The following WAPL variants were observed in gnomAD, a reference collection of about 807,000 sequenced individuals.
WAPL encodes the protein WAPL cohesin release factor.
Under a neutral mutation model 121.0 loss-of-function variants are expected in WAPL, and 5 were observed. That is an observed-to-expected ratio of 0.04 (90% CI 0.02 to 0.09). The LOEUF (loss-of-function observed/expected upper bound fraction) is 0.09. Ranked by LOEUF, WAPL falls within the 10% of genes least tolerant of loss-of-function variation. The pLI, the probability that WAPL is intolerant of heterozygous loss-of-function variation, is 1.00. For missense variants in WAPL, 999 were observed against 1,410.8 expected, an observed-to-expected ratio of 0.71 and a Z score of 4.68; for synonymous variants, 480 against 481.5, an observed-to-expected ratio of 1.00 and a Z score of 0.04.
At chr10:86,513,749 A>G (rs1185533117) in intron 2 of WAPL, among the ~76,000 whole-genome samples, 1 of 152,244 alleles carries the variant, frequency 6.6e-6, no homozygotes, top group African/African-American at 2.4e-5. Context: ...TGACATAATA[A>G]TTCTGAGCCT....
rs146333813 is a variant in WAPL, at chr10:86,440,407, C to T, written c.3412-2392G>A. On this transcript the variant is annotated intron_variant, in intron 17 of 18. Transcript: ENST00000298767. ...AGTTCACGCCATTCTGCTGCCTCAG[C>T]CTCCCGAGTAGCTGGGACTACAGGT... 4.8e-3 allele frequency among the ~76,000 whole-genome samples: 724 copies of T among 152,120 alleles called. 9 individuals are homozygous for T. The highest frequency in any genetic ancestry group is 0.017 in the African/African-American group (686 of 41,498).
At chr10:86,459,914 G>C (rs1305146231) in intron 11 of WAPL, among the ~76,000 whole-genome samples, 1 of 152,182 alleles carries the variant, frequency 6.6e-6, no homozygotes, top group African/African-American at 2.4e-5. Context: ...AGGAGTTTGA[G>C]ACCAGCCTGG....
At position 86,475,812 on chromosome 10, in the gene WAPL, G is replaced by C. The variant is rs376732992; in HGVS notation, c.1645-1839C>G. 2.2e-4 allele frequency among the ~76,000 whole-genome samples: 33 copies of C among 152,300 alleles called. 1 individual carries two copies. The South Asian group carries it at 5.6e-3, about 26-fold the overall frequency. Reference sequence around the variant, plus strand: ...CTTTAGTACCTCAAGCATACTCAGAGCCCAGGCTCTGGTAACAACAGCCTT... The same window carrying C: ...CTTTAGTACCTCAAGCATACTCAGACCCCAGGCTCTGGTAACAACAGCCTT... On this transcript the variant is annotated intron_variant, in intron 4 of 18. Coordinates refer to ENST00000298767, the MANE Select transcript of WAPL (RefSeq NM_015045.5).
chr10:86,471,769 G>A (rs1234681954), intron 7 of WAPL, among the ~76,000 whole-genome samples: 3 of 151,958 alleles, frequency 2.0e-5, no homozygotes, highest in Non-Finnish European at 4.4e-5. Flanking sequence ...CCAAGTAGCT[G>A]GAACTACAGG....
intron 2 of WAPL, among the ~76,000 whole-genome samples, chr10:86,502,584 G>A (rs1215223352): frequency 6.6e-6 from 1 of 152,150 alleles, no homozygotes; most frequent in Non-Finnish European, 1.5e-5. Flanking sequence ...GATACAAATA[G>A]ACATTATTTT....
At chr10:86,441,446 T>C (rs983491599) in intron 17 of WAPL, among the ~76,000 whole-genome samples, 1 of 152,032 alleles carries the variant, frequency 6.6e-6, no homozygotes, top group Non-Finnish European at 1.5e-5. Flanking sequence ...GACAAAAGCA[T>C]TGTGACCCAA....
chr10:86,485,523 C>T (rs553361080), intron 4 of WAPL, among the ~76,000 whole-genome samples: 1 of 151,656 alleles, frequency 6.6e-6, no homozygotes, highest in African/African-American at 2.4e-5. Flanking sequence ...GGCAACAGAG[C>T]GAGACTCCAT....
intron 2 of WAPL, among the ~76,000 whole-genome samples, chr10:86,503,335 C>T (rs1222542743): frequency 6.6e-6 from 1 of 152,078 alleles, no homozygotes; most frequent in African/African-American, 2.4e-5. Flanking sequence ...TACAAAGTGG[C>T]TTGGAGACCA....
At position 86,490,404 on chromosome 10, in the gene WAPL, G is replaced by A. The variant is rs146991379; in HGVS notation, c.1644+6797C>T. Among the ~76,000 whole-genome samples, 586 of 152,104 alleles carry A rather than the reference G, an allele frequency of 3.9e-3. 4 individuals are homozygous for A. Among genetic ancestry groups the A allele is most frequent in the African/African-American group, 0.014 (560 of 41,474 alleles). The stretch of plus-strand genomic sequence containing the variant: ...GTTGCCATGACCTGATTTACTTTAG[G>A]CCAGATAGATTCCTTTGTAATCAGG... On this transcript the variant is annotated intron_variant, in intron 4 of 18. Transcript: ENST00000298767.
chr10:86,492,784 C>T (rs10160148), intron 4 of WAPL, among the ~76,000 whole-genome samples: 3,114 of 152,178 alleles, frequency 0.02, 122 homozygotes, highest in African/African-American at 0.071. Context: ...CATCCGGGCG[C>T]GGTGGCTCAC....
chr10:86,473,390 G>C (rs1468340689), intron 5 of WAPL, among the ~76,000 whole-genome samples: 1 of 152,128 alleles, frequency 6.6e-6, no homozygotes, highest in Non-Finnish European at 1.5e-5. Context: ...AATCATGTAT[G>C]ATATTACCAG....
chr10:86,453,303 C>CAGG lies in WAPL; in HGVS notation c.2865_2866insCCT (p.Asp955_Gly956insPro). 1 of 1,614,062 alleles carries CAGG rather than the reference C, an allele frequency of 6.2e-7. No homozygotes were observed. Among genetic ancestry groups the CAGG allele is most frequent in the Non-Finnish European group, 8.5e-7 (1 of 1,180,014 alleles). ...CAGTTCAGCGCTGTGCCTATGAGAC[C>CAGG]GTCCTGCTCTCCTGTTTTGGTGCTG... On this transcript the variant is annotated inframe_insertion, in exon 14 of 19. Transcript: ENST00000298767.
intron 4 of WAPL, among the ~76,000 whole-genome samples, chr10:86,496,131 A>T (rs541397345): frequency 9.8e-5 from 15 of 152,324 alleles, no homozygotes; most frequent in Admixed American, 9.8e-4. Context: ...ACAAACAAAA[A>T]AACTGGGCAA....
At chr10:86,480,907 G>T (rs1338376137) in intron 4 of WAPL, among the ~76,000 whole-genome samples, 1 of 152,124 alleles carries the variant, frequency 6.6e-6, no homozygotes, top group Non-Finnish European at 1.5e-5. Flanking sequence ...AGGGAAACTT[G>T]GGTCCCCTAC....
At chr10:86,502,774 AG>A (rs1399559296) in intron 2 of WAPL, among the ~76,000 whole-genome samples, 1 of 152,224 alleles carries the variant, frequency 6.6e-6, no homozygotes, top group Non-Finnish European at 1.5e-5. Flanking sequence ...ATGACTGCAG[AG>A]GTTCTCAATT....
At chr10:86,518,623 G>T (rs1040388947) in intron 1 of WAPL, among the ~76,000 whole-genome samples, 1 of 152,162 alleles carries the variant, frequency 6.6e-6, no homozygotes, top group African/African-American at 2.4e-5. Flanking sequence ...CAGAAGAACC[G>T]CTTGAACTCA....
chr10:86,485,050 T>A (rs546715280), intron 4 of WAPL, among the ~76,000 whole-genome samples: 119 of 71,026 alleles, frequency 1.7e-3, no homozygotes, highest in Non-Finnish European at 2.7e-3. Context: ...CTCTCTCCCC[T>A]CCCCCGTCCC....
intron 14 of WAPL, 79 bp downstream of exon 14, chr10:86,453,141 T>A: frequency 7.5e-7 from 1 of 1,341,950 alleles, no homozygotes; most frequent in South Asian, 1.2e-5. Flanking sequence ...GGGTTGGTTC[T>A]TAAACCCAAA....
chr10:86,493,366 TTAATA>T (rs1437639033), intron 4 of WAPL, among the ~76,000 whole-genome samples: 5 of 151,954 alleles, frequency 3.3e-5, no homozygotes, highest in East Asian at 1.9e-4. Flanking sequence ...GTACATATAC[TTAATA>T]TAAGTATTAT....
Sources: allele counts gnomAD v4.1 joint callset (sites outside exome capture counted in the v4.1 genomes callset), GRCh38; gene constraint gnomAD v4.1.1; transcripts MANE v1.5; gene names NCBI Gene and HGNC (gene_info 2026-07-23, HGNC 2026-07-21).